EPB41L2: variants seen among roughly 807,000 people sequenced by gnomAD.
EPB41L2 encodes the protein band 4.1-like protein 2.
A neutral mutation model predicts 113.0 loss-of-function variants in EPB41L2; 43 were observed. The observed-to-expected ratio is 0.38, with a 90% confidence interval of 0.30 to 0.49. The LOEUF is 0.49. Among genes scored for constraint, EPB41L2 ranks in the 20% least tolerant of loss-of-function variants. The pLI is 0.95. For missense variants in EPB41L2, 1,147 were observed against 1,223.4 expected, an observed-to-expected ratio of 0.94 and a Z score of 0.93; for synonymous variants, 442 against 436.7, an observed-to-expected ratio of 1.01 and a Z score of -0.15.
At chr6:130,892,403 C>CTTTTTTTTTTTTTTTTT (rs60350565) in intron 10 of EPB41L2, among the ~76,000 whole-genome samples, 1,842 of 92,066 alleles carry the variant, frequency 0.02, 232 homozygotes, top group Non-Finnish European at 0.032. Context: ...CAGATTATTG[C>CTTTTTTTTTTTTTTTTT]TTTTTTTTTT....
intron 5 of EPB41L2, among the ~76,000 whole-genome samples, chr6:130,906,687 A>G (rs1797827227): frequency 6.6e-6 from 1 of 152,220 alleles, no homozygotes; most frequent in Admixed American, 6.5e-5. Flanking sequence ...TGTCATAGGT[A>G]GCTCAAAAAA....
intron 1 of EPB41L2, among the ~76,000 whole-genome samples, chr6:130,996,355 C>T (rs1783101088): frequency 1.3e-5 from 2 of 150,908 alleles, no homozygotes; most frequent in Admixed American, 6.6e-5. Flanking sequence ...CAGGCCAGCA[C>T]AGATCAGCTC....
chr6:131,005,592 A>G (rs1785316396), intron 1 of EPB41L2, among the ~76,000 whole-genome samples: 1 of 152,162 alleles, frequency 6.6e-6, no homozygotes, highest in Non-Finnish European at 1.5e-5. Flanking sequence ...TTTCTTAGTT[A>G]TTACCCATAT....
chr6:130,881,495 C>T (rs1313569846), intron 12 of EPB41L2: 4 of 152,132 alleles, frequency 2.6e-5, no homozygotes, highest in Non-Finnish European at 5.9e-5. Flanking sequence ...TGCATACTCA[C>T]TGCAATTATC....
At chr6:130,945,276 G>A (rs1280136803) in intron 3 of EPB41L2, among the ~76,000 whole-genome samples, 1 of 152,076 alleles carries the variant, frequency 6.6e-6, no homozygotes, top group Non-Finnish European at 1.5e-5. Flanking sequence ...AAACAAACAA[G>A]CAAATAAAAC....
At chr6:130,906,350 A>AT (rs5880042) in intron 5 of EPB41L2, among the ~76,000 whole-genome samples, 120,177 of 152,082 alleles carry the variant, frequency 0.79, 48,356 homozygotes, top group East Asian at 1. Flanking sequence ...AATGGTATAC[A>AT]TTTTGGTACA....
intron 19 of EPB41L2, among the ~76,000 whole-genome samples, chr6:130,849,799 G>C (rs1427798434): frequency 6.6e-6 from 1 of 152,116 alleles, no homozygotes; most frequent in Non-Finnish European, 1.5e-5. Flanking sequence ...GCTCTTTCCT[G>C]ATCAGACTAG....
At chr6:130,880,505 G>T in intron 12 of EPB41L2, 1 of 639,234 alleles carries the variant, frequency 1.6e-6, no homozygotes, top group Non-Finnish European at 2.8e-6. Context: ...AAGTCACACA[G>T]CAAACGGCCA....
Position 130,895,664 on chromosome 6 carries a change from C to A in EPB41L2, c.1237-545G>T, listed in dbSNP as rs1398514356. Among the ~76,000 whole-genome samples, 3 of 152,202 alleles carry A rather than the reference C, an allele frequency of 2.0e-5. No homozygotes were observed. In the East Asian group the frequency reaches 5.8e-4, roughly 29 times the overall value. ...TCTTCCAGGCTGACAGTGCTGAAAT[C>A]TCTGAATTCTTTCAAGCAGTTTTTC... On this transcript the variant is annotated intron_variant, in intron 8 of 19. Transcript: ENST00000337057.
intron 10 of EPB41L2, among the ~76,000 whole-genome samples, chr6:130,892,422 T>TTTTTTTTTTTTTTTTA (rs59118485): frequency 7.3e-6 from 1 of 136,068 alleles, no homozygotes; most frequent in Non-Finnish European, 1.6e-5. Flanking sequence ...TTTTTTTTTT[T>TTTTTTTTTTTTTTTTA]ATCATTATGT....
intron 1 of EPB41L2, among the ~76,000 whole-genome samples, chr6:130,998,020 G>A (rs1584394252): frequency 6.6e-6 from 1 of 152,164 alleles, no homozygotes; most frequent in East Asian, 1.9e-4. Flanking sequence ...TTAAAAGGTA[G>A]TTTATAAACA....
In EPB41L2 at chr6:131,009,213, G is replaced by C. The variant is rs553436382; in HGVS notation, c.-14-52714C>G. Among the ~76,000 whole-genome samples, 7 of 152,266 alleles carry C rather than the reference G, an allele frequency of 4.6e-5. No homozygotes were observed. The East Asian group carries it at 1.4e-3, about 29-fold the overall frequency. ...TGTTCTTGTGATAGTGAGTTCTCACGAGGTCTGATGGTTTTATAAGGGGCT... is the reference window on the plus strand; with the variant it reads ...TGTTCTTGTGATAGTGAGTTCTCACCAGGTCTGATGGTTTTATAAGGGGCT... On this transcript the variant is annotated intron_variant, in intron 1 of 19. Transcript: ENST00000337057.
intron 1 of EPB41L2, among the ~76,000 whole-genome samples, chr6:131,005,983 ATC>A (rs1785421861): frequency 6.6e-6 from 1 of 151,938 alleles, no homozygotes; most frequent in African/African-American, 2.4e-5. Flanking sequence ...AAAAAGGTGC[ATC>A]TCTTTCCTCT....
intron 3 of EPB41L2, among the ~76,000 whole-genome samples, chr6:130,947,970 C>T (rs1583790658): frequency 6.6e-6 from 1 of 152,156 alleles, no homozygotes; most frequent in Non-Finnish European, 1.5e-5. Context: ...ACTGCTGGTA[C>T]ATAAGATCTG....
intron 1 of EPB41L2, among the ~76,000 whole-genome samples, chr6:131,053,241 T>TA (rs139130581): frequency 0.35 from 51,982 of 148,508 alleles, 9,136 homozygotes; most frequent in Non-Finnish European, 0.38. Context: ...TCTGAAACTT[T>TA]AAAAAAAAAA....
chr6:131,059,633 T>G (rs1215680733), intron 1 of EPB41L2, among the ~76,000 whole-genome samples: 2 of 152,354 alleles, frequency 1.3e-5, no homozygotes, highest in East Asian at 3.9e-4. Context: ...AATCTTCTAT[T>G]TGCTCAGACA....
intron 1 of EPB41L2, among the ~76,000 whole-genome samples, chr6:130,975,696 AAAAT>A (rs1452251265): frequency 6.6e-6 from 1 of 152,194 alleles, no homozygotes; most frequent in Non-Finnish European, 1.5e-5. Context: ...GAAAAAAACT[AAAAT>A]AACCTAAAAA....
chr6:130,892,372 C>T (rs927134459), intron 10 of EPB41L2, among the ~76,000 whole-genome samples: 5 of 138,500 alleles, frequency 3.6e-5, no homozygotes, highest in African/African-American at 5.1e-5. Context: ...TCAATGAATG[C>T]TAGCACTTGC....
intron 19 of EPB41L2, among the ~76,000 whole-genome samples, chr6:130,848,197 T>TCACACACACACACA (rs1309842285): frequency 7.0e-5 from 9 of 127,822 alleles, no homozygotes; most frequent in African/African-American, 2.6e-4. Context: ...TCTCTCTCTC[T>TCACACACACACACA]CTCACACACA....
Sources: gnomAD v4.1 joint callset for allele counts (sites outside exome capture counted in the v4.1 genomes callset) on GRCh38, gnomAD v4.1.1 for gene constraint, MANE v1.5 for transcripts, NCBI Gene and HGNC (gene_info 2026-07-23, HGNC 2026-07-21) for gene names.